The following HDAC5 variants were observed in gnomAD, a reference collection of about 807,000 sequenced individuals.
HDAC5 encodes the protein histone deacetylase 5, also known as antigen NY-CO-9.
HDAC5 carries 25 observed loss-of-function variants against 133.3 expected under a neutral mutation model. The observed-to-expected ratio is 0.19, with a 90% CI of 0.14 to 0.26. The LOEUF is 0.26. HDAC5 is among the 10% of genes least tolerant of loss of function. The pLI is 1.00. For missense variants in HDAC5, 1,041 were observed against 1,460.5 expected, an observed-to-expected ratio of 0.71 and a Z score of 4.68; for synonymous variants, 589 against 610.8, an observed-to-expected ratio of 0.96 and a Z score of 0.53.
chr17:44,102,526 A>G (rs1168666742), intron 3 of HDAC5, among the ~76,000 whole-genome samples: 1 of 151,778 alleles, frequency 6.6e-6, no homozygotes, highest in Admixed American at 6.6e-5. Flanking sequence ...ACACCCAGCT[A>G]ATTTTTGTAT....
In HDAC5 at chr17:44,123,394, C is replaced by G. The variant is rs1222607008; in HGVS notation, c.-190+110G>C. On this transcript the variant is annotated intron_variant, in intron 1 of 26. Coordinates refer to ENST00000682912, the MANE Select transcript of HDAC5 (RefSeq NM_005474.5). ...GGGAGGAAGGAAGGGGGGCGCGGAGCGCGGCGCGCGCGCTGGGAGCCCGCG... is the reference window on the plus strand; with the variant it reads ...GGGAGGAAGGAAGGGGGGCGCGGAGGGCGGCGCGCGCGCTGGGAGCCCGCG... 2.6e-5 allele frequency: 9 copies of G among 342,144 alleles called. No homozygotes were observed. In the Admixed American group the frequency reaches 4.3e-4, roughly 16 times the overall value. 21.2% of individuals were successfully genotyped at this position (342,144 alleles called of 1,614,324 possible). A position where few individuals can be genotyped will look rare whatever the true frequency, so the allele number is the denominator to read the frequency against.
chr17:44,088,390 G>A lies in HDAC5; in HGVS notation c.1596C>T (p.Gly532=). Residue 532 remains glycine (G), a synonymous_variant, in exon 12 of 27, where the codon GGC becomes GGT. Transcript: ENST00000682912. The part of the protein sequence containing the change: ...EKQKQQQLQL[G]KILTKTGELP... ...CCATTCACCTTTCCAGGCTCACCTTGCCCAGCTGTAGCTGCTGCTGCTTCT... is the reference window on the plus strand; with the variant it reads ...CCATTCACCTTTCCAGGCTCACCTTACCCAGCTGTAGCTGCTGCTGCTTCT... 1 of 1,550,210 alleles carries A rather than the reference G, an allele frequency of 6.5e-7. No individual in the cohort carries two copies. The highest frequency in any genetic ancestry group is 8.7e-7 in the Non-Finnish European group (1 of 1,147,722).
rs1278449729 is a variant in HDAC5 at position 44,088,450 on chromosome 17, G to A, written c.1536C>T (p.Val512=). The change falls in exon 12 of 27, where the codon GTC becomes GTT. Residue 512 remains valine, a synonymous_variant. Transcript: ENST00000682912. ...PQSPQALQQL[V]MQQQHQQFLE... is the part of the protein sequence containing the mutation. ...GGAACTGCTGGTGCTGTTGTTGCAT[G>A]ACCAGCTGCTGCAGGGCCTGGGGAC... 6.3e-7 allele frequency: 1 copy of A among 1,599,250 alleles called. No individual in the cohort carries two copies. Among genetic ancestry groups the A allele is most frequent in the Admixed American group, 1.7e-5 (1 of 57,530 alleles).
At chr17:44,089,300 G>A (rs1461314485) in intron 11 of HDAC5, among the ~76,000 whole-genome samples, 1 of 152,142 alleles carries the variant, frequency 6.6e-6, no homozygotes, top group Non-Finnish European at 1.5e-5. Flanking sequence ...GATGGCTTGA[G>A]CCCAGGAGTT....
In HDAC5 at chr17:44,117,545, T is replaced by C. The variant is rs545978755; in HGVS notation, c.-30A>G. On this transcript the variant is annotated 5_prime_UTR_variant, in exon 2 of 27. Coordinates refer to ENST00000682912, the MANE Select transcript of HDAC5 (RefSeq NM_005474.5). The surrounding 1 kb of genome is among the most constrained non-coding windows in gnomAD (Gnocchi z 4.2). ...GCTCTGGGCCTGCAGGAAGCTGGCGTTGGGGGCTGGGACGGGAGGGGGTGG... is the reference window on the plus strand; with the variant it reads ...GCTCTGGGCCTGCAGGAAGCTGGCGCTGGGGGCTGGGACGGGAGGGGGTGG... 50 of 1,612,986 alleles carry C rather than the reference T, an allele frequency of 3.1e-5. No individual in the cohort carries two copies. The highest frequency in any genetic ancestry group is 3.0e-4 in the Admixed American group (18 of 60,000).
rs774475274 is a variant in HDAC5 at position 44,092,331 on chromosome 17, G to A, written c.920-47C>T. 2.3e-5 allele frequency: 37 copies of A among 1,611,848 alleles called. No homozygotes were observed. In the East Asian group the frequency reaches 6.0e-4, roughly 26 times the overall value. On this transcript the variant is annotated intron_variant, in intron 8 of 26. Transcript: ENST00000682912. ...CCTGGGCCTGCTGTGAACTACCCCC[G>A]ACCCCTGATTCCCAGACCCTCAGAA...
intron 2 of HDAC5, chr17:44,111,446 A>G (rs2052338779): frequency 2.5e-6 from 1 of 406,668 alleles, no homozygotes; most frequent in African/African-American, 2.0e-5. Context: ...CTGGGTGGCC[A>G]GAGGCTGGGC....
intron 18 of HDAC5, among the ~76,000 whole-genome samples, chr17:44,083,222 C>T (rs1369407266): frequency 3.9e-5 from 6 of 152,170 alleles, no homozygotes; most frequent in African/African-American, 1.2e-4. Flanking sequence ...CTGCCCACCT[C>T]GGCCTCCCAA....
At chr17:44,100,131 C>T (rs2051502651) in intron 3 of HDAC5, among the ~76,000 whole-genome samples, 1 of 152,132 alleles carries the variant, frequency 6.6e-6, no homozygotes, top group South Asian at 2.1e-4. Context: ...GGCCATGAGG[C>T]ACAGGTTTTA....
At position 44,084,404 on chromosome 17, in the gene HDAC5, T is replaced by A. The variant is rs551279882; in HGVS notation, c.2305+151A>T. The A allele has an allele frequency of 1.2e-3, 1,087 of 885,638 alleles. 14 individuals are homozygous for A. In the African/African-American group the frequency reaches 0.017, roughly 13 times the overall value. The allele number at this position is 885,638 out of a possible 1,614,324, so 54.9% of individuals were successfully genotyped here. A position where few individuals can be genotyped will look rare whatever the true frequency, so the allele number is the denominator to read the frequency against. ...CTATTTTAGTGGCGCCCTCTGGAGGTGTGTGACGTGATAATTGTGCCACCT... is the reference window on the plus strand; with the variant it reads ...CTATTTTAGTGGCGCCCTCTGGAGGAGTGTGACGTGATAATTGTGCCACCT... On this transcript the variant is annotated intron_variant, in intron 16 of 26. Transcript: ENST00000682912.
chr17:44,098,218 C>T (rs2051383767), intron 3 of HDAC5, among the ~76,000 whole-genome samples: 1 of 152,228 alleles, frequency 6.6e-6, no homozygotes. Context: ...GCGGGCCTTG[C>T]ACTCTCTCAA....
At chr17:44,082,967 G>T (rs1414894977) in intron 18 of HDAC5, 147 bp from the exon 19 acceptor site, 12 of 717,212 alleles carry the variant, frequency 1.7e-5, no homozygotes, top group Non-Finnish European at 2.6e-5. Flanking sequence ...ATTTTGTTGG[G>T]GTTTCTTTGT....
intron 20 of HDAC5, 195 bp downstream of exon 20, chr17:44,082,389 AG>A: frequency 1.7e-6 from 1 of 595,058 alleles, no homozygotes; most frequent in Non-Finnish European, 3.0e-6. Flanking sequence ...ATAGTTGAGG[AG>A]GGAGCCCTGT....
chr17:44,089,184 A>G (rs978302921), intron 11 of HDAC5, among the ~76,000 whole-genome samples: 1 of 152,252 alleles, frequency 6.6e-6, no homozygotes, highest in African/African-American at 2.4e-5. Context: ...ACTAGATTTC[A>G]AAGAGTATGA....
rs200463071 is a variant in HDAC5, at chr17:44,093,834, A to C, written c.95T>G (p.Val32Gly). The C allele has an allele frequency of 1.1e-4, 165 of 1,496,934 alleles. No homozygotes were observed. Among genetic ancestry groups the C allele is most frequent in the Non-Finnish European group, 1.4e-4 (152 of 1,122,282 alleles). 92.7% of individuals were successfully genotyped at this position (1,496,934 alleles called of 1,614,324 possible). Residue 32 changes from valine to glycine, a missense_variant and splice_region_variant, in exon 4 of 27, where the codon GTG (valine) becomes GGG (glycine). Val to Gly is a moderately radical substitution (Grantham distance 109, BLOSUM62 -3). Around this residue, in one of 9 missense-constraint regions of HDAC5, gnomAD observed 93 missense variants for 98.8 expected, o/e 0.94. Transcript: ENST00000682912. ...RTSLHSIPVT[V>G]EVKPVLPRAM... The stretch of plus-strand genomic sequence containing the variant: ...TCTTGGCAGCACCGGCTTCACCTCC[A>C]CTGTGGGCAGAAGAGACAGGAAGGA...
At chr17:44,083,515 G>C in intron 18 of HDAC5, 30 bp downstream of exon 18, 1 of 1,538,074 alleles carries the variant, frequency 6.5e-7, no homozygotes, top group Non-Finnish European at 8.9e-7. Context: ...GCCATGCCAA[G>C]GGGCACCGAG....
chr17:44,118,468 A>C (rs1245329951), intron 1 of HDAC5, among the ~76,000 whole-genome samples: 2 of 152,134 alleles, frequency 1.3e-5, no homozygotes, highest in Non-Finnish European at 2.9e-5. Context: ...AGTCCACCCA[A>C]AACAAGGGAC....
Position 44,079,815 on chromosome 17 carries a change from C to G in HDAC5, c.2944+292G>C, listed in dbSNP as rs765552238. ...AACATTAACAGACTGGCTGAAGACT[C>G]CAATCCAATGACAAGGAGCATCACT... On this transcript the variant is annotated intron_variant, in intron 23 of 26. Transcript: ENST00000682912. Among the ~76,000 whole-genome samples the G allele has an allele frequency of 3.9e-5, 6 of 152,030 alleles. No homozygotes were observed. In the East Asian group the frequency reaches 1.2e-3, roughly 29 times the overall value.
intron 3 of HDAC5, among the ~76,000 whole-genome samples, chr17:44,108,495 G>T (rs1331194793): frequency 6.6e-6 from 1 of 152,092 alleles, no homozygotes; most frequent in Non-Finnish European, 1.5e-5. Context: ...ACCCTCGAAA[G>T]ACCCTTGCCC....
Sources: allele counts gnomAD v4.1 joint callset (sites outside exome capture counted in the v4.1 genomes callset), GRCh38; gene constraint gnomAD v4.1.1; regional missense constraint gnomAD v4.1.1; non-coding constraint Gnocchi (gnomAD v3.1); transcripts MANE v1.5; gene names NCBI Gene and HGNC (gene_info 2026-07-23, HGNC 2026-07-21).